The following SLC25A48 variants were observed in gnomAD, a reference collection of about 807,000 sequenced individuals.
SLC25A48 encodes CTC-321K16.1.
A neutral mutation model predicts 32.2 loss-of-function variants in SLC25A48; 29 were observed. The ratio of observed to expected loss-of-function variants is 0.90; its 90% confidence interval spans 0.67 to 1.23. The LOEUF is 1.23. Ranked by LOEUF, SLC25A48 falls within the 50% of genes most tolerant of loss-of-function variation. SLC25A48 has a pLI of 0.00. For missense variants in SLC25A48, 399 were observed against 422.7 expected, an observed-to-expected ratio of 0.94 and a Z score of 0.49; for synonymous variants, 164 against 172.3, an observed-to-expected ratio of 0.95 and a Z score of 0.38.
At chr5:135,705,922 G>A (rs56206728) in intron 3 of SLC25A48, among the ~76,000 whole-genome samples, 1 of 152,170 alleles carries the variant, frequency 6.6e-6, no homozygotes, top group African/African-American at 2.4e-5. Flanking sequence ...TTGAGGGTGA[G>A]CTGGCCTGGC....
At chr5:135,719,240 C>G (rs78257687) in intron 3 of SLC25A48, among the ~76,000 whole-genome samples, 1 of 152,014 alleles carries the variant, frequency 6.6e-6, no homozygotes, top group African/African-American at 2.4e-5. Flanking sequence ...TTTACAAATC[C>G]GGGATTTATT....
chr5:135,717,012 A>AT (rs890220608), intron 3 of SLC25A48, among the ~76,000 whole-genome samples: 4 of 151,970 alleles, frequency 2.6e-5, no homozygotes, highest in South Asian at 2.1e-4. Context: ...AATAGCTAAG[A>AT]TTTTTTTTGC....
chr5:135,745,191 G>C (rs963972026), intron 3 of SLC25A48, among the ~76,000 whole-genome samples: 2 of 152,246 alleles, frequency 1.3e-5, no homozygotes, highest in African/African-American at 4.8e-5. Context: ...CAGCAAGCCA[G>C]TGATAAGCAT....
intron 3 of SLC25A48, among the ~76,000 whole-genome samples, chr5:135,747,315 C>CT (rs59932539): frequency 3.2e-4 from 44 of 139,380 alleles, no homozygotes; most frequent in Admixed American, 4.3e-4. Flanking sequence ...TTTTTCTTTC[C>CT]TTTTTTTTTT....
At chr5:135,787,849 G>C (rs1198846258) in intron 3 of SLC25A48, among the ~76,000 whole-genome samples, 3 of 151,684 alleles carry the variant, frequency 2.0e-5, no homozygotes, top group Non-Finnish European at 4.4e-5. Context: ...TAATATCCTA[G>C]GTGGATTTTA....
intron 3 of SLC25A48, among the ~76,000 whole-genome samples, chr5:135,752,902 A>G (rs1755802792): frequency 1.3e-5 from 2 of 151,878 alleles, no homozygotes; most frequent in South Asian, 4.2e-4. Context: ...TATGGATAAT[A>G]CTACATGGTG....
chr5:135,635,505 G>A (rs1450750069), intron 3 of SLC25A48, among the ~76,000 whole-genome samples: 1 of 152,208 alleles, frequency 6.6e-6, no homozygotes, highest in South Asian at 2.1e-4. Context: ...GGCACTAGAG[G>A]AGCCTTAGAG....
At chr5:135,677,566 A>G (rs1482310709) in intron 3 of SLC25A48, among the ~76,000 whole-genome samples, 1 of 152,018 alleles carries the variant, frequency 6.6e-6, no homozygotes. Flanking sequence ...CTGTGGTGGT[A>G]CCATTTGAGT....
chr5:135,763,086 G>A (rs980963855), intron 3 of SLC25A48, among the ~76,000 whole-genome samples: 2 of 152,072 alleles, frequency 1.3e-5, no homozygotes, highest in African/African-American at 4.8e-5. Context: ...CATTGTGTGT[G>A]AGATCAGGCA....
intron 4 of SLC25A48, among the ~76,000 whole-genome samples, chr5:135,819,940 G>T (rs1757837517): frequency 6.6e-6 from 1 of 151,956 alleles, no homozygotes; most frequent in Non-Finnish European, 1.5e-5. Flanking sequence ...GAAGAAACTG[G>T]AACTTTTACA....
chr5:135,820,397 G>A (rs1440169633), intron 4 of SLC25A48, among the ~76,000 whole-genome samples: 1 of 152,104 alleles, frequency 6.6e-6, no homozygotes, highest in Admixed American at 6.6e-5. Flanking sequence ...CTTGGAGTTG[G>A]GAAGCAAGAG....
chr5:135,627,853 C>A (rs1027771710), intron 1 of SLC25A48, among the ~76,000 whole-genome samples: 2 of 152,120 alleles, frequency 1.3e-5, no homozygotes, highest in African/African-American at 4.8e-5. Flanking sequence ...ATTTCTTTAC[C>A]CACCTCCCTC....
At chr5:135,778,677 G>A (rs1756632790) in intron 3 of SLC25A48, among the ~76,000 whole-genome samples, 1 of 138,006 alleles carries the variant, frequency 7.2e-6, no homozygotes, top group Non-Finnish European at 1.5e-5. Flanking sequence ...AGTATCACAG[G>A]GGCTGTACAC....
intron 3 of SLC25A48, chr5:135,649,919 C>G (rs2126924249): frequency 5.9e-6 from 1 of 168,176 alleles, no homozygotes; most frequent in South Asian, 1.4e-4. Flanking sequence ...AAATGCCAAG[C>G]TCTTGGCTAA....
chr5:135,831,792 G>A (rs1161264443), upstream of SLC25A48, among the ~76,000 whole-genome samples: 1 of 152,204 alleles, frequency 6.6e-6, no homozygotes, highest in African/African-American at 2.4e-5. Flanking sequence ...AGTCATCAAA[G>A]TTCACTAAAC....
chr5:135,823,608 CT>C (rs1401197498), intron 4 of SLC25A48, among the ~76,000 whole-genome samples: 3 of 152,166 alleles, frequency 2.0e-5, no homozygotes, highest in African/African-American at 7.2e-5. Flanking sequence ...TGGGCCTTGC[CT>C]TGGTGGAATT....
intron 2 of SLC25A48, among the ~76,000 whole-genome samples, chr5:135,846,161 G>A (rs905585159): frequency 4.6e-5 from 7 of 152,170 alleles, no homozygotes; most frequent in African/African-American, 9.7e-5. Flanking sequence ...TAGGTTGCCC[G>A]CTCTTTATGA....
intron 3 of SLC25A48, among the ~76,000 whole-genome samples, chr5:135,796,231 T>C (rs1757171513): frequency 6.6e-6 from 1 of 150,900 alleles, no homozygotes; most frequent in Admixed American, 6.6e-5. Context: ...AATATTACTC[T>C]CCATATCACG....
chr5:135,603,702 G>T (rs2126885614), intron 1 of SLC25A48, among the ~76,000 whole-genome samples: 1 of 152,334 alleles, frequency 6.6e-6, no homozygotes, highest in South Asian at 2.1e-4. Flanking sequence ...TTCAGCCTTG[G>T]GGGAAGGACA....
Sources: gnomAD v4.1 joint callset for allele counts (sites outside exome capture counted in the v4.1 genomes callset) on GRCh38, gnomAD v4.1.1 for gene constraint, MANE v1.5 for transcripts, NCBI Gene and HGNC (gene_info 2026-07-23, HGNC 2026-07-21) for gene names.